Variants in SNX7 observed in about 807,000 individuals in gnomAD.
SNX7 encodes sorting nexin 7, also known as sorting nexin-7.
SNX7 carries 35 observed loss-of-function variants against 48.4 expected under a neutral mutation model. That is an observed-to-expected ratio of 0.72 (90% CI 0.55 to 0.96). SNX7 has a LOEUF of 0.96. Ranked by LOEUF, SNX7 falls within the 40% of genes least tolerant of loss-of-function variation. SNX7 has a pLI of 0.00. For synonymous variants in SNX7, 190 were observed against 190.2 expected (o/e 1.00, Z 0.01); for missense variants, 553 against 548.9 (o/e 1.01, Z -0.07).
chr1:98,712,087 T>C (rs1206929985), intron 7 of SNX7, among the ~76,000 whole-genome samples: 5 of 152,214 alleles, frequency 3.3e-5, no homozygotes, highest in African/African-American at 1.2e-4. Context: ...TATAGTTCTC[T>C]ACTATTTCTG....
At chr1:98,707,609 T>G (rs1291745574) in intron 7 of SNX7, among the ~76,000 whole-genome samples, 1 of 152,240 alleles carries the variant, frequency 6.6e-6, no homozygotes, top group African/African-American at 2.4e-5. Context: ...ATCTATTTTA[T>G]TTTTATTTCT....
intron 7 of SNX7, among the ~76,000 whole-genome samples, chr1:98,718,002 A>C (rs529777502): frequency 6.6e-6 from 1 of 152,234 alleles, no homozygotes; most frequent in South Asian, 2.1e-4. Flanking sequence ...GTACCAGGAA[A>C]ATGCAAGACA....
At chr1:98,746,279 T>G (rs1186531312) in intron 8 of SNX7, among the ~76,000 whole-genome samples, 1 of 152,090 alleles carries the variant, frequency 6.6e-6, no homozygotes, top group Admixed American at 6.6e-5. Flanking sequence ...GGCATAGTTC[T>G]TTGGGTCTCG....
intron 8 of SNX7, among the ~76,000 whole-genome samples, chr1:98,739,345 G>A (rs1322376236): frequency 1.3e-5 from 2 of 152,156 alleles, no homozygotes; most frequent in Non-Finnish European, 2.9e-5. Flanking sequence ...GAGGACCCCT[G>A]TAATTTATAG....
intron 8 of SNX7, among the ~76,000 whole-genome samples, chr1:98,746,999 CTT>C (rs1654339475): frequency 1.3e-5 from 2 of 151,786 alleles, no homozygotes; most frequent in Non-Finnish European, 2.9e-5. Flanking sequence ...TTGGTGACCT[CTT>C]AATTAATTTT....
intron 7 of SNX7, among the ~76,000 whole-genome samples, chr1:98,728,152 C>T (rs1294553170): frequency 6.6e-6 from 1 of 152,108 alleles, no homozygotes; most frequent in Non-Finnish European, 1.5e-5. Flanking sequence ...GCCAGGTCAC[C>T]TACAAAGGAA....
At chr1:98,699,028 A>G in intron 6 of SNX7, 123 bp downstream of exon 6, 2 of 795,630 alleles carry the variant, frequency 2.5e-6, no homozygotes, top group South Asian at 3.6e-5. Flanking sequence ...TTTTGCATGT[A>G]GATGTTCAAT....
chr1:98,698,670 T>C, intron 5 of SNX7, 36 bp from the exon 6 acceptor site: 1 of 1,566,562 alleles, frequency 6.4e-7, no homozygotes, highest in Non-Finnish European at 8.7e-7. Context: ...AACTTTTGTT[T>C]ATTGAAGAGC....
chr1:98,748,918 G>C (rs1361364217), intron 8 of SNX7, among the ~76,000 whole-genome samples: 1 of 152,002 alleles, frequency 6.6e-6, no homozygotes, highest in African/African-American at 2.4e-5. Flanking sequence ...AAAATAATGT[G>C]CTTAAACATC....
intron 4 of SNX7, 110 bp from the exon 5 acceptor site, chr1:98,695,408 T>A: frequency 9.6e-7 from 1 of 1,036,448 alleles, no homozygotes; most frequent in Non-Finnish European, 1.4e-6. Flanking sequence ...GATTGATGCC[T>A]ATGAAACCAT....
chr1:98,724,754 A>G (rs1479953173), intron 7 of SNX7, among the ~76,000 whole-genome samples: 1 of 152,186 alleles, frequency 6.6e-6, no homozygotes, highest in Non-Finnish European at 1.5e-5. Context: ...CTTTTTAGCA[A>G]TAATAAATTG....
At position 98,662,772 on chromosome 1, in the gene SNX7, A is replaced by G. The variant is rs1371359715; in HGVS notation, c.180+861A>G. On this transcript the variant is annotated intron_variant, in intron 1 of 8. Coordinates refer to ENST00000306121, the MANE Select transcript of SNX7 (RefSeq NM_015976.5). Reference sequence around the variant, plus strand: ...GAGTTCAGATCACAACGCTGTATTCATTACTAAGAAGCCTGTTCATTTTAA... The same window carrying G: ...GAGTTCAGATCACAACGCTGTATTCGTTACTAAGAAGCCTGTTCATTTTAA... The G allele has an allele frequency of 3.1e-6, 4 of 1,289,288 alleles. No individual in the cohort carries two copies. The African/African-American group carries it at 4.6e-5, about 15-fold the overall frequency. 79.9% of individuals were successfully genotyped at this position (1,289,288 alleles called of 1,614,324 possible).
intron 7 of SNX7, among the ~76,000 whole-genome samples, chr1:98,737,771 G>A (rs956259125): frequency 2.0e-5 from 3 of 152,100 alleles, no homozygotes; most frequent in African/African-American, 4.8e-5. Context: ...GAGTATGGAT[G>A]TTATAACCTC....
chr1:98,705,359 A>G (rs916132414), intron 7 of SNX7, among the ~76,000 whole-genome samples: 2 of 152,188 alleles, frequency 1.3e-5, no homozygotes, highest in Admixed American at 1.3e-4. Flanking sequence ...TTACCTGTTT[A>G]TGAATTTTGT....
At chr1:98,713,301 C>T (rs1031278024) in intron 7 of SNX7, among the ~76,000 whole-genome samples, 1 of 152,128 alleles carries the variant, frequency 6.6e-6, no homozygotes, top group Admixed American at 6.6e-5. Context: ...CAAACATTTC[C>T]TCTCCAGCTT....
chr1:98,717,628 G>A (rs888330506), intron 7 of SNX7, among the ~76,000 whole-genome samples: 2 of 152,094 alleles, frequency 1.3e-5, no homozygotes, highest in Admixed American at 1.3e-4. Context: ...CATCATTGGT[G>A]ACTTGAAATA....
chr1:98,682,354 C>T (rs1399914031), intron 1 of SNX7, among the ~76,000 whole-genome samples: 2 of 152,044 alleles, frequency 1.3e-5, no homozygotes, highest in African/African-American at 4.8e-5. Context: ...CAGGGAATTC[C>T]CTTTACTTTG....
At chr1:98,734,040 C>G (rs949697337) in intron 7 of SNX7, among the ~76,000 whole-genome samples, 1 of 152,080 alleles carries the variant, frequency 6.6e-6, no homozygotes, top group Non-Finnish European at 1.5e-5. Flanking sequence ...ATTTCCCATG[C>G]TTCTCCTTGC....
At chr1:98,752,350 A>C (rs923012104) in intron 8 of SNX7, among the ~76,000 whole-genome samples, 1 of 152,094 alleles carries the variant, frequency 6.6e-6, no homozygotes, top group Non-Finnish European at 1.5e-5. Context: ...ATATATGTGC[A>C]GGATATCAGG....
Sources: gnomAD v4.1 joint callset for allele counts (sites outside exome capture counted in the v4.1 genomes callset) on GRCh38, gnomAD v4.1.1 for gene constraint, MANE v1.5 for transcripts, NCBI Gene and HGNC (gene_info 2026-07-23, HGNC 2026-07-21) for gene names.